Variants in EIF4ENIF1 observed in about 807,000 individuals in gnomAD.
EIF4ENIF1 encodes the protein eukaryotic translation initiation factor 4E transporter.
In EIF4ENIF1, 23 loss-of-function variants were observed where a neutral mutation model predicts 110.5. The observed-to-expected ratio is 0.21, with a 90% confidence interval of 0.15 to 0.29. The LOEUF (loss-of-function observed/expected upper bound fraction) is 0.29, where lower values mean the gene tolerates loss of function less well. Ranked by LOEUF, EIF4ENIF1 falls within the 10% of genes least tolerant of loss-of-function variation. The probability of loss-of-function intolerance (pLI) is 1.00; values close to 1 mark genes in which losing one functional copy is unlikely to be tolerated. For missense variants in EIF4ENIF1, 1,031 were observed against 1,221.1 expected (o/e 0.84, Z 2.32); for synonymous variants, 440 against 437.0 (o/e 1.01, Z -0.09).
intron 3 of EIF4ENIF1, among the ~76,000 whole-genome samples, chr22:31,468,872 G>A (rs2051276753): frequency 6.6e-6 from 1 of 152,114 alleles, no homozygotes; most frequent in Non-Finnish European, 1.5e-5. Flanking sequence ...ATATACCTTG[G>A]CATGCACATG....
intron 1 of EIF4ENIF1, 87 bp from the exon 2 acceptor site, chr22:31,488,832 A>C: frequency 6.9e-7 from 1 of 1,439,348 alleles, no homozygotes; most frequent in Non-Finnish European, 9.2e-7. Flanking sequence ...GAAACTTTTT[A>C]ATCTCTCAAA....
intron 15 of EIF4ENIF1, 94 bp from the exon 16 acceptor site, chr22:31,443,188 T>TCC (rs1170076202): frequency 6.6e-7 from 1 of 1,520,614 alleles, no homozygotes; most frequent in African/African-American, 1.4e-5. Flanking sequence ...CAACAAAGAG[T>TCC]CCCCACATTG....
chr22:31,454,457 G>A, intron 9 of EIF4ENIF1, 81 bp from the exon 10 acceptor site: 1 of 1,175,564 alleles, frequency 8.5e-7, no homozygotes, highest in Non-Finnish European at 1.2e-6. Context: ...TGACAGATAA[G>A]ATGAAAATAA....
intron 10 of EIF4ENIF1, chr22:31,450,800 A>G (rs2050629213): frequency 4.8e-6 from 1 of 210,130 alleles, no homozygotes; most frequent in Middle Eastern, 1.9e-3. Flanking sequence ...ACACATATAC[A>G]TACACATACA....
chr22:31,479,698 T>G (rs2051738470), intron 2 of EIF4ENIF1, among the ~76,000 whole-genome samples: 1 of 151,678 alleles, frequency 6.6e-6, no homozygotes, highest in Admixed American at 6.6e-5. Flanking sequence ...TTTTTTTTTT[T>G]TTTTTTTTAA....
intron 15 of EIF4ENIF1, among the ~76,000 whole-genome samples, chr22:31,443,941 T>C (rs1443446378): frequency 1.3e-5 from 2 of 151,630 alleles, no homozygotes; most frequent in African/African-American, 2.4e-5. Flanking sequence ...GGACCACAGA[T>C]GTGCACCACC....
At chr22:31,492,391 A>T (rs1169741406), upstream of EIF4ENIF1, among the ~76,000 whole-genome samples, 1 of 152,222 alleles carries the variant, frequency 6.6e-6, no homozygotes, top group South Asian at 2.1e-4. Flanking sequence ...ACCACAAGCC[A>T]TACATGATAT....
At chr22:31,457,492 T>G (rs150433157) in intron 7 of EIF4ENIF1, among the ~76,000 whole-genome samples, 46 of 152,308 alleles carry the variant, frequency 3.0e-4, no homozygotes, top group African/African-American at 1.1e-3. Flanking sequence ...AGTCATATAC[T>G]TTCACGTCAA....
At chr22:31,447,668 A>C (rs1301229191) in intron 13 of EIF4ENIF1, 103 bp from the exon 14 acceptor site, 1 of 1,295,824 alleles carries the variant, frequency 7.7e-7, no homozygotes, top group Non-Finnish European at 1.0e-6. Context: ...CAGAAGCTGA[A>C]AAAAATTAGA....
Position 31,441,908 on chromosome 22 carries a change from C to T in EIF4ENIF1, c.2417G>A (p.Arg806His), listed in dbSNP as rs780468231. The T allele has an allele frequency of 2.0e-5, 32 of 1,613,950 alleles. No individual in the cohort carries two copies. Among genetic ancestry groups the T allele is most frequent in the Middle Eastern group, 1.6e-4 (1 of 6,084 alleles). The change falls in exon 17 of 19, where the codon CGC (arginine) becomes CAC (histidine). Residue 806 changes from arginine (R) to histidine (H), a missense_variant. Arg to His is a conservative substitution (Grantham distance 29). Transcript: ENST00000330125. Reference protein sequence around the residue: ...ASPVPTTPFLRPVHQVPLVPH... With the variant: ...ASPVPTTPFLHPVHQVPLVPH... ...GACAAGGGGAACTTGGTGGACAGGG[C>T]GGAGAAAAGGTGTTGTAGGAACTGG...
At chr22:31,447,967 A>G (rs988893750) in intron 13 of EIF4ENIF1, among the ~76,000 whole-genome samples, 186 bp downstream of exon 13, 16 of 151,974 alleles carry the variant, frequency 1.1e-4, no homozygotes, top group Non-Finnish European at 2.4e-4. Context: ...CATTTTTTAA[A>G]TTTACTTTTG....
chr22:31,466,169 T>G lies in EIF4ENIF1; in HGVS notation c.298+2006A>C, dbSNP rs528275744. Among the ~76,000 whole-genome samples the G allele has an allele frequency of 7.2e-5, 11 of 152,160 alleles. No homozygotes were observed. In the South Asian group the frequency reaches 2.3e-3, roughly 32 times the overall value. On this transcript the variant is annotated intron_variant, in intron 4 of 18. Coordinates refer to ENST00000330125, the MANE Select transcript of EIF4ENIF1 (RefSeq NM_019843.4). ...GACTCATGCCTGTGATCCCAGCACTTTGGGAGGCTGAGGTGGGTGGATCAC... is the reference window on the plus strand; with the variant it reads ...GACTCATGCCTGTGATCCCAGCACTGTGGGAGGCTGAGGTGGGTGGATCAC...
intron 3 of EIF4ENIF1, among the ~76,000 whole-genome samples, 181 bp from the exon 4 acceptor site, chr22:31,468,483 C>T (rs1437349550): frequency 6.6e-6 from 1 of 152,200 alleles, no homozygotes; most frequent in African/African-American, 2.4e-5. Flanking sequence ...CACCCTCTGC[C>T]TCCCAGGTTC....
intron 2 of EIF4ENIF1, among the ~76,000 whole-genome samples, chr22:31,477,337 C>T (rs1601637840): frequency 1.2e-5 from 1 of 81,082 alleles, no homozygotes; most frequent in Non-Finnish European, 2.3e-5. Flanking sequence ...GCCTCGGCAA[C>T]AGAACAAGAC....
At chr22:31,457,840 T>G (rs2050875240) in intron 7 of EIF4ENIF1, among the ~76,000 whole-genome samples, 1 of 152,338 alleles carries the variant, frequency 6.6e-6, no homozygotes, top group Middle Eastern at 3.4e-3. Flanking sequence ...AATTTTGTAT[T>G]AATTAAAATA....
At position 31,463,651 on chromosome 22, in the gene EIF4ENIF1, TAAAAAAAAAAA is replaced by T. The variant is rs71319194; in HGVS notation, c.585+19_585+29del. 278 of 1,334,110 alleles carry T rather than the reference TAAAAAAAAAAA, an allele frequency of 2.1e-4. No individual in the cohort carries two copies. The highest frequency in any genetic ancestry group is 2.5e-4 in the Non-Finnish European group (259 of 1,018,890). The allele number at this position is 1,334,110 out of a possible 1,614,324, so 82.6% of individuals were successfully genotyped here. ...ACAAGAGCGAAACTCCGTCTCAATT[TAAAAAAAAAAA>T]AAAAAAAAAAAGACAAACCCTGAAA... On this transcript the variant is annotated intron_variant, in intron 5 of 18. Coordinates refer to ENST00000330125, the MANE Select transcript of EIF4ENIF1 (RefSeq NM_019843.4).
chr22:31,439,360 C>T (rs545026747), downstream of EIF4ENIF1: 1 of 154,284 alleles, frequency 6.5e-6, no homozygotes, highest in South Asian at 2.0e-4. Flanking sequence ...ACAACAATGT[C>T]AGTTACTTCA....
chr22:31,486,045 G>A (rs1302322073), intron 2 of EIF4ENIF1, among the ~76,000 whole-genome samples: 1 of 139,080 alleles, frequency 7.2e-6, no homozygotes, highest in African/African-American at 2.7e-5. Context: ...TCAGGAGTTC[G>A]AGACCAGCGA....
Position 31,455,243 on chromosome 22 carries a change from T to C in EIF4ENIF1, c.1172A>G (p.His391Arg). The change falls in exon 9 of 19, where the codon CAT (histidine) becomes CGT (arginine). Residue 391 changes from histidine (H) to arginine (R), a missense_variant. His to Arg is a conservative substitution (Grantham distance 29). Transcript: ENST00000330125. ...TAAAATATCCACTTTATTTTCAGCA[T>C]GGTCTTCCAATGGTATAGGAGCAAA... is the stretch of plus-strand genomic sequence containing the variant. ...NYFAPIPLED[H>R]AENKVDILEM... 6.2e-7 allele frequency: 1 copy of C among 1,614,074 alleles called. No individual in the cohort carries two copies.
Sources: gnomAD v4.1 joint callset for allele counts (sites outside exome capture counted in the v4.1 genomes callset) on GRCh38, gnomAD v4.1.1 for gene constraint, MANE v1.5 for transcripts, NCBI Gene and HGNC (gene_info 2026-07-23, HGNC 2026-07-21) for gene names.